KIAA1549L: variants seen among roughly 807,000 people sequenced by gnomAD.
KIAA1549L encodes the protein KIAA1549 like.
KIAA1549L carries 88 observed loss-of-function variants against 160.7 expected under a neutral mutation model. That is an observed-to-expected ratio of 0.55 (90% CI 0.46 to 0.65). The LOEUF is 0.65. Among genes scored for constraint, KIAA1549L ranks in the 30% least tolerant of loss-of-function variants. The probability of loss-of-function intolerance (pLI) is 0.00; values close to 1 mark genes in which losing one functional copy is unlikely to be tolerated. For synonymous variants in KIAA1549L, 950 were observed against 976.7 expected (o/e 0.97, Z 0.51); for missense variants, 2,258 against 2,437.5 (o/e 0.93, Z 1.55).
intron 17 of KIAA1549L, among the ~76,000 whole-genome samples, chr11:33,646,711 T>G (rs1851734226): frequency 6.6e-6 from 1 of 152,244 alleles, no homozygotes; most frequent in African/African-American, 2.4e-5. Flanking sequence ...AGCAACTGCC[T>G]GTCCAGGCTT....
Position 33,456,779 on chromosome 11 carries a change from A to G in KIAA1549L, c.238+79890A>G, listed in dbSNP as rs76305355. On this transcript the variant is annotated intron_variant, in intron 1 of 20. Transcript: ENST00000658780. ...TAACTACTACTCAGATAATAAACCAATAAGTCTCTTTCCCCATGTATTAAA... is the reference window on the plus strand; with the variant it reads ...TAACTACTACTCAGATAATAAACCAGTAAGTCTCTTTCCCCATGTATTAAA... Among the ~76,000 whole-genome samples, 565 of 152,286 alleles carry G rather than the reference A, an allele frequency of 3.7e-3. 23 individuals carry two copies. In the East Asian group the frequency reaches 0.082, roughly 22 times the overall value.
intron 10 of KIAA1549L, among the ~76,000 whole-genome samples, chr11:33,580,872 G>C (rs1358964427): frequency 6.6e-6 from 1 of 152,160 alleles, no homozygotes; most frequent in Non-Finnish European, 1.5e-5. Flanking sequence ...AAGGGCTAGG[G>C]CATGTTGAGA....
Position 33,543,002 on chromosome 11 carries a change from G to T in KIAA1549L, c.1439G>T (p.Gly480Val), listed in dbSNP as rs1390807332. Reference sequence around the variant, plus strand: ...CCTTCTCTGCATATCACCACACTGGGTCAAGAGCAAGCCATCCTTTCTGGG... The same window carrying T: ...CCTTCTCTGCATATCACCACACTGGTTCAAGAGCAAGCCATCCTTTCTGGG... ...LVPSLHITTL[G>V]QEQAILSGAV... The change falls in exon 2 of 21, where the codon GGT becomes GTT. Residue 480 changes from glycine (G) to valine (V), a missense_variant. Gly to Val is a moderately radical substitution (Grantham distance 109). Around this residue, in one of 6 missense-constraint regions of KIAA1549L, gnomAD observed 540 missense variants for 465.7 expected, o/e 1.16. Transcript: ENST00000658780. The T allele has an allele frequency of 6.2e-7, 1 of 1,613,956 alleles. No homozygotes were observed. Among genetic ancestry groups the T allele is most frequent in the Non-Finnish European group, 8.5e-7 (1 of 1,179,888 alleles).
intron 12 of KIAA1549L, among the ~76,000 whole-genome samples, 159 bp from the exon 13 acceptor site, chr11:33,598,661 G>A (rs894760582): frequency 6.6e-6 from 1 of 152,156 alleles, no homozygotes; most frequent in Non-Finnish European, 1.5e-5. Context: ...GCTGTAGTGT[G>A]GGTGGTTTTG....
chr11:33,419,048 T>G (rs1850945349), intron 1 of KIAA1549L, among the ~76,000 whole-genome samples: 1 of 152,048 alleles, frequency 6.6e-6, no homozygotes, highest in Non-Finnish European at 1.5e-5. Flanking sequence ...AATTTTTGTA[T>G]TTTTAGTAGA....
intron 1 of KIAA1549L, among the ~76,000 whole-genome samples, chr11:33,464,214 A>G (rs1473249543): frequency 4.6e-5 from 7 of 152,210 alleles, no homozygotes. Context: ...TAATTTTTTC[A>G]TGAATACTTC....
chr11:33,563,164 C>T (rs1399474658), intron 8 of KIAA1549L, among the ~76,000 whole-genome samples: 2 of 151,386 alleles, frequency 1.3e-5, no homozygotes, highest in Non-Finnish European at 2.9e-5. Context: ...TCAAAACCAG[C>T]CTAACCAACA....
At chr11:33,614,912 C>G (rs2133342239) in intron 15 of KIAA1549L, among the ~76,000 whole-genome samples, 1 of 151,958 alleles carries the variant, frequency 6.6e-6, no homozygotes, top group South Asian at 2.1e-4. Context: ...TGCCGGGCCT[C>G]AAGCTATATT....
At chr11:33,408,489 GTATA>G (rs138063173) in intron 1 of KIAA1549L, among the ~76,000 whole-genome samples, 24 of 123,036 alleles carry the variant, frequency 2.0e-4, no homozygotes, top group African/African-American at 3.2e-4. Context: ...CTGTATATGT[GTATA>G]TATATATATA....
At chr11:33,568,337 AACTG>A (rs1386645638) in intron 9 of KIAA1549L, 110 bp downstream of exon 9, 1 of 1,033,000 alleles carries the variant, frequency 9.7e-7, no homozygotes, top group African/African-American at 1.6e-5. Context: ...CCATGCTGCC[AACTG>A]ACTAAGCCAT....
intron 16 of KIAA1549L, among the ~76,000 whole-genome samples, chr11:33,630,253 C>T (rs1009421573): frequency 2.0e-5 from 3 of 152,264 alleles, no homozygotes; most frequent in Non-Finnish European, 4.4e-5. Context: ...GCCCTGCCCC[C>T]AGAGGTGGAG....
intron 18 of KIAA1549L, 61 bp from the exon 19 acceptor site, chr11:33,658,689 C>A: frequency 6.5e-7 from 1 of 1,534,306 alleles, no homozygotes; most frequent in Non-Finnish European, 8.8e-7. Flanking sequence ...CGCACTCCTC[C>A]TGCTCGGGAC....
At chr11:33,460,531 A>G (rs1040225269) in intron 1 of KIAA1549L, among the ~76,000 whole-genome samples, 1 of 152,178 alleles carries the variant, frequency 6.6e-6, no homozygotes, top group Non-Finnish European at 1.5e-5. Context: ...GAGTGCTGCC[A>G]TGTTCAATGG....
Position 33,455,745 on chromosome 11 carries a change from C to A in KIAA1549L, c.238+78856C>A, listed in dbSNP as rs146881522. On this transcript the variant is annotated intron_variant, in intron 1 of 20. Coordinates refer to ENST00000658780, the MANE Select transcript of KIAA1549L (RefSeq NM_012194.3). ...ATACACAGAAGATTCTAGAAGATGA[C>A]AGAGGTCACAAGGCTATTGGTTAAT... 5.9e-5 allele frequency among the ~76,000 whole-genome samples: 9 copies of A among 152,224 alleles called. 1 individual carries two copies. The highest frequency in any genetic ancestry group is 2.1e-4 in the South Asian group (1 of 4,828).
In KIAA1549L at chr11:33,621,039, C is replaced by A. The variant is rs542457945; in HGVS notation, c.5409+2377C>A. ...TAGAAGCCCTGCCAAAATATCCAGT[C>A]CTTTCTGCCAGGTTGGGGAACCTTG... On this transcript the variant is annotated intron_variant, in intron 16 of 20. Transcript: ENST00000658780. Among the ~76,000 whole-genome samples, 161 of 152,242 alleles carry A rather than the reference C, an allele frequency of 1.1e-3. 1 individual carries two copies. The highest frequency in any genetic ancestry group is 0.01 in the Middle Eastern group (3 of 294).
intron 1 of KIAA1549L, among the ~76,000 whole-genome samples, chr11:33,505,251 C>T (rs1853053816): frequency 6.6e-6 from 1 of 152,206 alleles, no homozygotes; most frequent in African/African-American, 2.4e-5. Flanking sequence ...CCCAGACTCT[C>T]TGAAGGGAAT....
intron 7 of KIAA1549L, among the ~76,000 whole-genome samples, chr11:33,560,982 C>A (rs1164159116): frequency 6.6e-6 from 1 of 152,116 alleles, no homozygotes; most frequent in African/African-American, 2.4e-5. Context: ...TTCCATCATC[C>A]TTTTATTTCT....
At chr11:33,614,461 C>T (rs1850725811) in intron 15 of KIAA1549L, among the ~76,000 whole-genome samples, 1 of 138,488 alleles carries the variant, frequency 7.2e-6, no homozygotes, top group Non-Finnish European at 1.5e-5. Flanking sequence ...CAAAAGTATT[C>T]AATCAAAATT....
At chr11:33,430,060 C>CCCT (rs1851204460) in intron 1 of KIAA1549L, among the ~76,000 whole-genome samples, 1 of 79,156 alleles carries the variant, frequency 1.3e-5, no homozygotes, top group Non-Finnish European at 2.4e-5. Context: ...CCTTCCCTCT[C>CCCT]TCCTCCGTTC....
Sources: gnomAD v4.1 joint callset for allele counts (sites outside exome capture counted in the v4.1 genomes callset) on GRCh38, gnomAD v4.1.1 for gene constraint, gnomAD v4.1.1 regional missense constraint, MANE v1.5 for transcripts, NCBI Gene and HGNC (gene_info 2026-07-23, HGNC 2026-07-21) for gene names.